The following ULK4 variants were observed in gnomAD, a reference collection of about 807,000 sequenced individuals.
ULK4 encodes unc-51 like kinase 4, also known as inactive serine/threonine-protein kinase ULK4.
ULK4 carries 133 observed loss-of-function variants against 160.6 expected under a neutral mutation model. The ratio of observed to expected loss-of-function variants is 0.83; its 90% CI spans 0.72 to 0.96. The LOEUF (loss-of-function observed/expected upper bound fraction) is 0.96, where lower values mean the gene tolerates loss of function less well. ULK4 is among the 40% of genes least tolerant of loss of function. The pLI is 0.00. For synonymous variants in ULK4, 534 were observed against 539.8 expected (o/e 0.99, Z 0.15); for missense variants, 1,580 against 1,499.5 (o/e 1.05, Z -0.89).
At chr3:41,609,489 G>T (rs932161211) in intron 31 of ULK4, among the ~76,000 whole-genome samples, 1 of 152,044 alleles carries the variant, frequency 6.6e-6, no homozygotes, top group Non-Finnish European at 1.5e-5. Flanking sequence ...GTACTTTAAT[G>T]GTGGTATATG....
At chr3:41,939,056 T>G (rs558111398) in intron 2 of ULK4, among the ~76,000 whole-genome samples, 1 of 152,288 alleles carries the variant, frequency 6.6e-6, no homozygotes, top group Non-Finnish European at 1.5e-5. Context: ...GAACGAGTGT[T>G]ATGTTAATTG....
intron 32 of ULK4, among the ~76,000 whole-genome samples, chr3:41,466,347 T>C (rs2083833953): frequency 6.6e-6 from 1 of 152,054 alleles, no homozygotes; most frequent in Non-Finnish European, 1.5e-5. Flanking sequence ...AATGAGTTCA[T>C]ACAGATATTT....
intron 17 of ULK4, 87 bp from the exon 18 acceptor site, chr3:41,836,058 A>G: frequency 1.2e-6 from 1 of 826,710 alleles, no homozygotes; most frequent in Non-Finnish European, 1.9e-6. Flanking sequence ...GATACCCTGT[A>G]AAAGTCACCA....
intron 35 of ULK4, among the ~76,000 whole-genome samples, chr3:41,356,761 T>C (rs1304919225): frequency 6.6e-6 from 1 of 152,120 alleles, no homozygotes; most frequent in East Asian, 1.9e-4. Flanking sequence ...GAGTGGAAGC[T>C]GAAACCAGGC....
In ULK4 at chr3:41,918,881, G is replaced by A. The variant is rs137924643; in HGVS notation, c.644-341C>T. Among the ~76,000 whole-genome samples the A allele has an allele frequency of 6.7e-3, 1,026 of 152,206 alleles. 6 individuals carry two copies. The highest frequency in any genetic ancestry group is 0.01 in the Non-Finnish European group (696 of 68,010). On this transcript the variant is annotated intron_variant, in intron 6 of 36. Transcript: ENST00000301831. Reference sequence around the variant, plus strand: ...CTCCCAAAGTGCTGGGATTACAGGCGTGAGCCACCACACCTGGCCTTGCTA... The same window carrying A: ...CTCCCAAAGTGCTGGGATTACAGGCATGAGCCACCACACCTGGCCTTGCTA...
At chr3:41,735,794 C>A (rs1013603382) in intron 22 of ULK4, among the ~76,000 whole-genome samples, 11 of 151,076 alleles carry the variant, frequency 7.3e-5, no homozygotes, top group Non-Finnish European at 1.5e-4. Context: ...GTGTGCTGCA[C>A]CCATTAACTG....
chr3:41,341,218 A>T (rs78700174), intron 35 of ULK4, among the ~76,000 whole-genome samples: 2,603 of 152,308 alleles, frequency 0.017, 67 homozygotes, highest in African/African-American at 0.052. Context: ...AGACTTTTGC[A>T]GTTCATGTTT....
intron 19 of ULK4, among the ~76,000 whole-genome samples, chr3:41,807,962 T>C (rs2040699693): frequency 6.6e-6 from 1 of 152,172 alleles, no homozygotes; most frequent in Non-Finnish European, 1.5e-5. Context: ...AGCTCAACTC[T>C]TCCCCATCCG....
chr3:41,469,793 T>A (rs1030724659), intron 32 of ULK4, among the ~76,000 whole-genome samples: 3 of 150,486 alleles, frequency 2.0e-5, no homozygotes, highest in Non-Finnish European at 4.4e-5. Flanking sequence ...ACAGAAATAC[T>A]AGAGACAATA....
intron 35 of ULK4, among the ~76,000 whole-genome samples, chr3:41,307,719 A>T (rs1267459938): frequency 6.6e-6 from 1 of 152,146 alleles, no homozygotes; most frequent in Non-Finnish European, 1.5e-5. Flanking sequence ...AGTCCTAGCC[A>T]CTTGGGAAGC....
At chr3:41,917,952 A>G (rs1699027910) in intron 7 of ULK4, among the ~76,000 whole-genome samples, 1 of 152,126 alleles carries the variant, frequency 6.6e-6, no homozygotes. Flanking sequence ...ACGCCACTGC[A>G]CTCCAGCCTG....
At chr3:41,567,673 C>T (rs2087831668) in intron 31 of ULK4, among the ~76,000 whole-genome samples, 1 of 151,938 alleles carries the variant, frequency 6.6e-6, no homozygotes, top group Non-Finnish European at 1.5e-5. Context: ...CTGTGTTGGC[C>T]AGGATGGTCT....
At chr3:41,813,660 G>A (rs1003266269) in intron 19 of ULK4, among the ~76,000 whole-genome samples, 1 of 152,174 alleles carries the variant, frequency 6.6e-6, no homozygotes, top group Non-Finnish European at 1.5e-5. Flanking sequence ...GAGCTAAAAT[G>A]TACAGTTATA....
Position 41,715,549 on chromosome 3 carries a change from C to T in ULK4, c.2475G>A (p.Leu825=). ...GGTGTTTACGTCCAGAAACATTAGCCAAGGAGTTAAGAATGTCACCTGTGA... is the reference window on the plus strand; with the variant it reads ...GGTGTTTACGTCCAGAAACATTAGCTAAGGAGTTAAGAATGTCACCTGTGA... ...PRILGDILNS[L]ANVSGRKHPS... Residue 825 remains leucine, a synonymous_variant, in exon 24 of 37, where the codon TTG becomes TTA. Coordinates refer to ENST00000301831, the MANE Select transcript of ULK4 (RefSeq NM_017886.4). 6.2e-7 allele frequency: 1 copy of T among 1,614,106 alleles called. No individual in the cohort carries two copies. Among genetic ancestry groups the T allele is most frequent in the South Asian group, 1.1e-5 (1 of 91,078 alleles).
At chr3:41,631,202 A>C (rs2033728187) in intron 30 of ULK4, among the ~76,000 whole-genome samples, 1 of 152,184 alleles carries the variant, frequency 6.6e-6, no homozygotes, top group African/African-American at 2.4e-5. Context: ...ATTAAGGTAC[A>C]TATATAGGGA....
At chr3:41,871,772 G>A (rs531924777) in intron 17 of ULK4, among the ~76,000 whole-genome samples, 34 of 152,126 alleles carry the variant, frequency 2.2e-4, no homozygotes, top group Non-Finnish European at 4.3e-4. Context: ...TTCTCCATGT[G>A]TCTAGCTTGT....
At chr3:41,700,612 G>A (rs977513996) in intron 27 of ULK4, among the ~76,000 whole-genome samples, 1 of 152,132 alleles carries the variant, frequency 6.6e-6, no homozygotes, top group Non-Finnish European at 1.5e-5. Context: ...ATGGAGGAAG[G>A]AACATCCATA....
At chr3:41,886,487 A>T (rs1180048597) in intron 16 of ULK4, among the ~76,000 whole-genome samples, 2 of 152,222 alleles carry the variant, frequency 1.3e-5, no homozygotes, top group African/African-American at 4.8e-5. Flanking sequence ...TTCCAATGTA[A>T]ATCTCAGTAG....
rs149806389 is a variant in ULK4 at position 41,572,969 on chromosome 3, G to A, written c.3121-6839C>T. Among the ~76,000 whole-genome samples the A allele has an allele frequency of 2.8e-3, 419 of 152,196 alleles. 4 individuals carry two copies. Among genetic ancestry groups the A allele is most frequent in the African/African-American group, 9.6e-3 (400 of 41,510 alleles). On this transcript the variant is annotated intron_variant, in intron 31 of 36. Transcript: ENST00000301831. The stretch of plus-strand genomic sequence containing the variant: ...CTCACAGAAGATGGCATCATTGAGA[G>A]CCCACAAAAGGCAATCCCACTACAC...
Sources: gnomAD v4.1 joint callset for allele counts (sites outside exome capture counted in the v4.1 genomes callset) on GRCh38, gnomAD v4.1.1 for gene constraint, MANE v1.5 for transcripts, NCBI Gene and HGNC (gene_info 2026-07-23, HGNC 2026-07-21) for gene names.